VPS13C: variants seen among roughly 807,000 people sequenced by gnomAD.
The protein encoded by VPS13C is vacuolar protein sorting 13 homolog C.
In VPS13C, 358 loss-of-function variants were observed where a neutral mutation model predicts 456.8. The observed-to-expected ratio is 0.78, with a 90% CI of 0.72 to 0.86. The LOEUF (loss-of-function observed/expected upper bound fraction) is 0.86, where lower values mean the gene tolerates loss of function less well. VPS13C is among the 40% of genes least tolerant of loss of function. VPS13C has a pLI of 0.00. For missense variants in VPS13C, 4,818 were observed against 4,385.4 expected (o/e 1.10, Z -2.79); for synonymous variants, 1,578 against 1,486.7 (o/e 1.06, Z -1.41).
intron 66 of VPS13C, among the ~76,000 whole-genome samples, chr15:61,891,181 G>A (rs2042639473): frequency 6.6e-6 from 1 of 152,072 alleles, no homozygotes. Flanking sequence ...AAAAATATGA[G>A]GCTTGATTTG....
At chr15:62,033,615 C>T in intron 4 of VPS13C, 73 bp from the exon 5 acceptor site, 1 of 1,085,614 alleles carries the variant, frequency 9.2e-7, no homozygotes, top group East Asian at 2.7e-5. Flanking sequence ...AGTTCAGCCT[C>T]ATTAGGATTG....
At chr15:62,037,951 A>C (rs954018829) in intron 3 of VPS13C, among the ~76,000 whole-genome samples, 7 of 152,144 alleles carry the variant, frequency 4.6e-5, no homozygotes, top group Non-Finnish European at 4.4e-5. Context: ...AAATGACCCA[A>C]ACGGAAGTAT....
chr15:61,920,042 C>T, intron 57 of VPS13C, 25 bp downstream of exon 57: 1 of 1,551,972 alleles, frequency 6.4e-7, no homozygotes, highest in South Asian at 1.2e-5. Context: ...CTAAGATACC[C>T]TTAAGGAAAA....
rs200945332 is a variant in VPS13C at position 61,954,562 on chromosome 15, G to T, written c.4166-8C>A. ...GGGGCTCTTTAATTTCACCTGAAAT[G>T]TTTAAAAGAAATTCATTACTTTTAT... On this transcript the variant is annotated splice_region_variant and splice_polypyrimidine_tract_variant and intron_variant, in intron 37 of 84. Coordinates refer to ENST00000644861, the MANE Select transcript of VPS13C (RefSeq NM_020821.3). 1,950 of 1,565,948 alleles carry T rather than the reference G, an allele frequency of 1.2e-3. 4 individuals carry two copies. The highest frequency in any genetic ancestry group is 2.9e-3 in the Middle Eastern group (17 of 5,778).
chr15:62,019,356 CTCTAG>C (rs1567117373), intron 9 of VPS13C, among the ~76,000 whole-genome samples: 2 of 151,948 alleles, frequency 1.3e-5, no homozygotes, highest in Admixed American at 6.6e-5. Flanking sequence ...GCTCTTGCTG[CTCTAG>C]TTCTTTTAAT....
intron 8 of VPS13C, among the ~76,000 whole-genome samples, chr15:62,020,819 A>G (rs1015990205): frequency 1.3e-5 from 2 of 152,022 alleles, no homozygotes; most frequent in African/African-American, 4.8e-5. Context: ...CTCTCTAGAC[A>G]GTTAAAAAGG....
chr15:61,866,860 A>C, intron 81 of VPS13C: 1 of 975,930 alleles, frequency 1.0e-6, no homozygotes, highest in Non-Finnish European at 1.2e-6. Flanking sequence ...TTATATGTTA[A>C]TAGTTTCATT....
At position 61,961,851 on chromosome 15, in the gene VPS13C, C is replaced by T. The variant is rs1365056467; in HGVS notation, c.3646G>A (p.Ala1216Thr). 9 of 1,613,658 alleles carry T rather than the reference C, an allele frequency of 5.6e-6. No individual in the cohort carries two copies. Among genetic ancestry groups the T allele is most frequent in the Non-Finnish European group, 7.6e-6 (9 of 1,179,856 alleles). The part of the protein sequence containing the change: ...NFQTAKESLS[A>T]ATAQAAERAA... ...CTTTCTGCAGCCTGGGCAGTGGCAG[C>T]ACTCAGAGACTCTTTGGCTGTCTGG... Residue 1216 changes from alanine to threonine, a missense_variant, in exon 35 of 85, where the codon GCT becomes ACT. This residue lies in a region of VPS13C where 4,552 missense variants were observed against 4,130.6 expected (regional missense o/e 1.10). Coordinates refer to ENST00000644861, the MANE Select transcript of VPS13C (RefSeq NM_020821.3).
chr15:61,931,626 G>C (rs1472562170), intron 49 of VPS13C, among the ~76,000 whole-genome samples: 2 of 145,166 alleles, frequency 1.4e-5, no homozygotes, highest in African/African-American at 5.1e-5. Context: ...CGCCCAGGCT[G>C]GAGTGCAGTG....
chr15:61,915,664 A>G lies in VPS13C; in HGVS notation c.8414T>C (p.Phe2805Ser). The G allele has an allele frequency of 6.2e-7, 1 of 1,601,150 alleles. No individual in the cohort carries two copies. Among genetic ancestry groups the G allele is most frequent in the Non-Finnish European group, 8.5e-7 (1 of 1,176,262 alleles). Residue 2805 changes from phenylalanine to serine, a missense_variant, in exon 61 of 85, where the codon TTC (phenylalanine) becomes TCC (serine). By Grantham distance (155) the Phe-to-Ser change is radical (BLOSUM62 -2). Coordinates refer to ENST00000644861, the MANE Select transcript of VPS13C (RefSeq NM_020821.3). ...TTTAGTAAAAATGTTCTTCTTCTTG[A>G]AAGAAAATAAAATAATATCCCTGAA... The part of the protein sequence containing the change: ...ADFRDIILFS[F>S]KKKNIFTKNK...
chr15:61,896,063 AC>A (rs1300229215), intron 66 of VPS13C, among the ~76,000 whole-genome samples: 1 of 152,218 alleles, frequency 6.6e-6, no homozygotes, highest in Non-Finnish European at 1.5e-5. Context: ...TATCATAAGT[AC>A]GTACAATTGT....
intron 52 of VPS13C, 50 bp downstream of exon 52, chr15:61,927,041 C>A (rs1159289426): frequency 6.7e-7 from 1 of 1,502,824 alleles, no homozygotes; most frequent in South Asian, 1.2e-5. Context: ...TATGAATCAA[C>A]TGTTTCTGCC....
In VPS13C at chr15:61,884,228, T is replaced by G; in HGVS notation, c.9383A>C (p.Lys3128Thr). The G allele has an allele frequency of 1.2e-6, 2 of 1,610,918 alleles. No individual in the cohort carries two copies. Among genetic ancestry groups the G allele is most frequent in the South Asian group, 2.2e-5 (2 of 90,540 alleles). The part of the protein sequence containing the change: ...VWEVKPKQKW[K>T]PFSQKQIILL... ...GATTATCTGCTTTTGACTAAATGGC[T>G]TCCATTTCTGCTTTGGTTTCACCTC... is the stretch of plus-strand genomic sequence containing the variant. The change falls in exon 68 of 85, where the codon AAG becomes ACG. Residue 3128 changes from lysine (K) to threonine (T), a missense_variant. Around this residue, in one of 3 missense-constraint regions of VPS13C, gnomAD observed 4,552 missense variants for 4,130.6 expected, o/e 1.10. Transcript: ENST00000644861.
At chr15:61,975,165 A>G (rs1015412115) in intron 24 of VPS13C, among the ~76,000 whole-genome samples, 4 of 152,130 alleles carry the variant, frequency 2.6e-5, no homozygotes, top group Non-Finnish European at 4.4e-5. Flanking sequence ...CTAAATGCCT[A>G]TATTGGAAAA....
rs1435893364 is a variant in VPS13C, at chr15:61,918,317, G to A, written c.7639-60C>T. 3 of 1,396,354 alleles carry A rather than the reference G, an allele frequency of 2.1e-6. No homozygotes were observed. In the East Asian group the frequency reaches 7.7e-5, roughly 36 times the overall value. 86.5% of individuals were successfully genotyped at this position (1,396,354 alleles called of 1,614,324 possible). A position where few individuals can be genotyped will look rare whatever the true frequency, so the allele number is the denominator to read the frequency against. ...GATATGTAAGTTCGAAAGAAAAAATGAGAGCCACAAACAAATACTTTTAGA... is the reference window on the plus strand; with the variant it reads ...GATATGTAAGTTCGAAAGAAAAAATAAGAGCCACAAACAAATACTTTTAGA... On this transcript the variant is annotated intron_variant, in intron 58 of 84. Coordinates refer to ENST00000644861, the MANE Select transcript of VPS13C (RefSeq NM_020821.3).
At chr15:61,869,116 C>CTTTTT (rs68084709) in intron 80 of VPS13C, among the ~76,000 whole-genome samples, 6 of 131,304 alleles carry the variant, frequency 4.6e-5, no homozygotes, top group African/African-American at 9.0e-5. Context: ...TTTCTTTTTT[C>CTTTTT]TTTTTTTTTT....
intron 3 of VPS13C, among the ~76,000 whole-genome samples, chr15:62,035,264 T>G (rs1252951331): frequency 2.0e-5 from 3 of 152,034 alleles, no homozygotes; most frequent in African/African-American, 7.2e-5. Context: ...ATTTTTATTT[T>G]TCAATATAAA....
chr15:61,922,005 A>G lies in VPS13C; in HGVS notation c.7004T>C (p.Val2335Ala), dbSNP rs1447738655. Residue 2335 changes from valine to alanine, a missense_variant, in exon 55 of 85, where the codon GTC (valine) becomes GCC (alanine). Val to Ala is a moderately conservative substitution (Grantham distance 64, BLOSUM62 0). Around this residue, in one of 3 missense-constraint regions of VPS13C, gnomAD observed 4,552 missense variants for 4,130.6 expected, o/e 1.10. Transcript: ENST00000644861. ...CACTCTCTCAATCAGTGGCTCCCAGACAGCATGGATCTCATTGTAATAGTG... is the reference window on the plus strand; with the variant it reads ...CACTCTCTCAATCAGTGGCTCCCAGGCAGCATGGATCTCATTGTAATAGTG... ...QVHYYNEIHA[V>A]WEPLIERVEG... The G allele has an allele frequency of 1.2e-6, 2 of 1,613,684 alleles. No individual in the cohort carries two copies. Among genetic ancestry groups the G allele is most frequent in the Admixed American group, 1.7e-5 (1 of 60,012 alleles).
chr15:61,961,282 C>T (rs1365404917), intron 35 of VPS13C, among the ~76,000 whole-genome samples: 1 of 151,632 alleles, frequency 6.6e-6, no homozygotes, highest in Non-Finnish European at 1.5e-5. Context: ...GTCCCAGCTA[C>T]TCGGGAGGCT....
Sources: gnomAD v4.1 joint callset for allele counts (sites outside exome capture counted in the v4.1 genomes callset) on GRCh38, gnomAD v4.1.1 for gene constraint, gnomAD v4.1.1 regional missense constraint, MANE v1.5 for transcripts, NCBI Gene and HGNC (gene_info 2026-07-23, HGNC 2026-07-21) for gene names.